EXOC4: variants seen among roughly 807,000 people sequenced by gnomAD.
EXOC4 encodes SEC8-like 1.
In EXOC4, 71 loss-of-function variants were observed where a neutral mutation model predicts 107.2. The ratio of observed to expected loss-of-function variants is 0.66; its 90% CI spans 0.55 to 0.81. The LOEUF is 0.81. Ranked by LOEUF, EXOC4 falls within the 30% of genes least tolerant of loss-of-function variation. EXOC4 has a pLI of 0.00. For synonymous variants in EXOC4, 456 were observed against 441.2 expected (o/e 1.03, Z -0.42); for missense variants, 1,108 against 1,189.6 (o/e 0.93, Z 1.01).
chr7:133,492,964 G>T (rs1036646600), intron 9 of EXOC4, among the ~76,000 whole-genome samples: 5 of 2,108 alleles, frequency 2.4e-3, no homozygotes, highest in Admixed American at 7.1e-3. Context: ...ACTAGTTAGA[G>T]GTTCGGAGTG....
intron 6 of EXOC4, among the ~76,000 whole-genome samples, chr7:133,371,168 C>T (rs1404218020): frequency 6.6e-6 from 1 of 152,168 alleles, no homozygotes. Context: ...TGTATTTCCT[C>T]TTCAGTGCTA....
chr7:133,423,906 G>A (rs1037608169), intron 7 of EXOC4, among the ~76,000 whole-genome samples: 1 of 152,216 alleles, frequency 6.6e-6, no homozygotes, highest in Non-Finnish European at 1.5e-5. Flanking sequence ...GAGTGCCTGG[G>A]CTAGGTGCCG....
chr7:133,306,118 T>C, intron 4 of EXOC4, 57 bp downstream of exon 4: 1 of 1,384,994 alleles, frequency 7.2e-7, no homozygotes, highest in Non-Finnish European at 9.7e-7. Context: ...GGAAGGAATA[T>C]TTTTTGTTTC....
At chr7:133,930,554 G>C (rs1197722606) in intron 13 of EXOC4, 1 of 151,818 alleles carries the variant, frequency 6.6e-6, no homozygotes, top group Non-Finnish European at 1.5e-5. Context: ...TTTACCCACT[G>C]ATACATCAGT....
chr7:133,940,733 G>A (rs1256256933), intron 14 of EXOC4, among the ~76,000 whole-genome samples: 2 of 151,750 alleles, frequency 1.3e-5, no homozygotes, highest in African/African-American at 2.4e-5. Context: ...ATTGCCCTAT[G>A]TCAATGTGAC....
intron 10 of EXOC4, among the ~76,000 whole-genome samples, chr7:133,776,270 C>T (rs1162264297): frequency 6.6e-6 from 1 of 152,044 alleles, no homozygotes; most frequent in African/African-American, 2.4e-5. Context: ...TATGTTGTTG[C>T]AAAATAAAGC....
chr7:133,821,940 C>T (rs1031206566), intron 11 of EXOC4, among the ~76,000 whole-genome samples: 3 of 152,090 alleles, frequency 2.0e-5, no homozygotes, highest in Admixed American at 6.5e-5. Flanking sequence ...GTGTTTTCTG[C>T]GCATGGTATA....
intron 10 of EXOC4, among the ~76,000 whole-genome samples, chr7:133,680,938 T>C (rs1226512181): frequency 1.3e-5 from 2 of 152,196 alleles, no homozygotes; most frequent in African/African-American, 4.8e-5. Flanking sequence ...CACAGGCCAT[T>C]ATAAAAGAAA....
At chr7:133,988,802 A>G (rs1250889420) in intron 14 of EXOC4, among the ~76,000 whole-genome samples, 1 of 152,204 alleles carries the variant, frequency 6.6e-6, no homozygotes, top group Admixed American at 6.5e-5. Flanking sequence ...GATACGCTGA[A>G]GAGAAAAAAG....
chr7:133,686,343 C>G (rs1794297869), intron 10 of EXOC4, among the ~76,000 whole-genome samples: 1 of 152,118 alleles, frequency 6.6e-6, no homozygotes, highest in African/African-American at 2.4e-5. Context: ...CATTTCCTTC[C>G]TCTCATTGCC....
chr7:133,600,039 T>A (rs1408780879), intron 9 of EXOC4, among the ~76,000 whole-genome samples: 1 of 151,830 alleles, frequency 6.6e-6, no homozygotes, highest in Non-Finnish European at 1.5e-5. Context: ...TAGCTGGGAC[T>A]ACAGGTGGGT....
At chr7:134,088,828 T>C in the EXOC4 span, among the ~76,000 whole-genome samples, 1 of 152,208 alleles carries the variant, frequency 6.6e-6, no homozygotes, top group African/African-American at 2.4e-5. Context: ...TGATTTTATG[T>C]AACAATTATA....
intron 17 of EXOC4, among the ~76,000 whole-genome samples, chr7:134,060,353 C>A (rs1444887270): frequency 6.6e-6 from 1 of 152,192 alleles, no homozygotes; most frequent in Non-Finnish European, 1.5e-5. Context: ...TGGTGTACAT[C>A]TAGCAATTGA....
At chr7:133,788,704 G>C (rs1453345315) in intron 10 of EXOC4, among the ~76,000 whole-genome samples, 1 of 152,090 alleles carries the variant, frequency 6.6e-6, no homozygotes, top group African/African-American at 2.4e-5. Flanking sequence ...AGTTGGCCAG[G>C]CTGGTCTCGA....
At chr7:133,660,519 T>A (rs550491838) in intron 10 of EXOC4, among the ~76,000 whole-genome samples, 1 of 152,132 alleles carries the variant, frequency 6.6e-6, no homozygotes, top group Non-Finnish European at 1.5e-5. Context: ...TAGCACAACG[T>A]GTCTTGTTTT....
At chr7:133,538,458 A>G (rs1277537465) in intron 9 of EXOC4, among the ~76,000 whole-genome samples, 1 of 152,096 alleles carries the variant, frequency 6.6e-6, no homozygotes, top group Non-Finnish European at 1.5e-5. Context: ...ATATTCTTTA[A>G]CAGTTGTATA....
At chr7:133,558,570 G>A (rs936922698) in intron 9 of EXOC4, among the ~76,000 whole-genome samples, 1 of 152,048 alleles carries the variant, frequency 6.6e-6, no homozygotes, top group Admixed American at 6.5e-5. Flanking sequence ...AATGTAGAGC[G>A]ATAATTTTGG....
In EXOC4 at chr7:133,774,595, C is replaced by T. The variant is rs1300416759; in HGVS notation, c.1515-42730C>T. On this transcript the variant is annotated intron_variant, in intron 10 of 17. Transcript: ENST00000253861. ...GATGTGAAGCATAGAAAGTTCAAGACATTTAACTTGATTTTCTAGAAAACA... is the reference window on the plus strand; with the variant it reads ...GATGTGAAGCATAGAAAGTTCAAGATATTTAACTTGATTTTCTAGAAAACA... Among the ~76,000 whole-genome samples the T allele has an allele frequency of 2.0e-5, 3 of 151,940 alleles. No homozygotes were observed. In the South Asian group the frequency reaches 6.2e-4, roughly 32 times the overall value.
chr7:133,718,518 G>A (rs1390581100), intron 10 of EXOC4, among the ~76,000 whole-genome samples: 1 of 152,106 alleles, frequency 6.6e-6, no homozygotes, highest in Non-Finnish European at 1.5e-5. Context: ...GGCAACACTG[G>A]GTCAGCTCTG....
Sources: allele counts gnomAD v4.1 joint callset (sites outside exome capture counted in the v4.1 genomes callset), GRCh38; gene constraint gnomAD v4.1.1; transcripts MANE v1.5; gene names NCBI Gene and HGNC (gene_info 2026-07-23, HGNC 2026-07-21).